The following HSDL2 variants were observed in gnomAD, a reference collection of about 807,000 sequenced individuals.
HSDL2 encodes hydroxysteroid dehydrogenase like 2.
In HSDL2, 27 loss-of-function variants were observed where a neutral mutation model predicts 46.3. The observed-to-expected ratio is 0.58, with a 90% CI of 0.43 to 0.80. The LOEUF (loss-of-function observed/expected upper bound fraction) is 0.80, where lower values mean the gene tolerates loss of function less well. HSDL2 is among the 30% of genes least tolerant of loss of function. The pLI, the probability that HSDL2 is intolerant of heterozygous loss-of-function variation, is 0.00. For synonymous variants in HSDL2, 153 were observed against 163.6 expected (o/e 0.94, Z 0.50); for missense variants, 451 against 502.7 (o/e 0.90, Z 0.98).
chr9:112,455,180 C>T (rs1352198854), intron 9 of HSDL2, among the ~76,000 whole-genome samples: 2 of 152,056 alleles, frequency 1.3e-5, no homozygotes, highest in Non-Finnish European at 2.9e-5. Flanking sequence ...CTGTAGTACA[C>T]TGCGATCGCA....
At chr9:112,394,189 A>C (rs1831409321) in intron 1 of HSDL2, among the ~76,000 whole-genome samples, 1 of 152,148 alleles carries the variant, frequency 6.6e-6, no homozygotes, top group African/African-American at 2.4e-5. Flanking sequence ...AGTGGGGACA[A>C]CAGACAGAAA....
chr9:112,391,815 G>T (rs1050654352), intron 1 of HSDL2, among the ~76,000 whole-genome samples: 1 of 148,696 alleles, frequency 6.7e-6, no homozygotes, highest in African/African-American at 2.5e-5. Flanking sequence ...TGACGCACGA[G>T]AATCACTTGA....
intron 4 of HSDL2, among the ~76,000 whole-genome samples, chr9:112,416,588 T>TAAAA (rs35674008): frequency 7.4e-6 from 1 of 134,246 alleles, no homozygotes; most frequent in Non-Finnish European, 1.6e-5. Context: ...ACCCTGTCTC[T>TAAAA]AAAAAAAAAA....
chr9:112,409,142 A>T, intron 4 of HSDL2, 121 bp downstream of exon 4: 2 of 487,306 alleles, frequency 4.1e-6, no homozygotes, highest in Non-Finnish European at 7.4e-6. Context: ...AATCCTTATA[A>T]GGGTCTAAAA....
At chr9:112,437,895 G>A (rs1219043843) in intron 6 of HSDL2, among the ~76,000 whole-genome samples, 1 of 152,206 alleles carries the variant, frequency 6.6e-6, no homozygotes, top group African/African-American at 2.4e-5. Context: ...TGTAGTATAA[G>A]GCAGTGTTGC....
intron 4 of HSDL2, among the ~76,000 whole-genome samples, 154 bp downstream of exon 4, chr9:112,409,175 T>G (rs566243338): frequency 6.6e-6 from 1 of 152,242 alleles, no homozygotes; most frequent in East Asian, 1.9e-4. Flanking sequence ...GTCAATAGTA[T>G]TTTATTTTAT....
intron 1 of HSDL2, among the ~76,000 whole-genome samples, chr9:112,382,253 A>T (rs765692499): frequency 6.6e-6 from 1 of 152,202 alleles, no homozygotes; most frequent in Non-Finnish European, 1.5e-5. Flanking sequence ...AGAGAGAGTG[A>T]GAGTCTGTCT....
Position 112,454,012 on chromosome 9 carries a change from G to A in HSDL2, c.866-1G>A, listed in dbSNP as rs746584767. On this transcript the variant is annotated splice_acceptor_variant, in intron 8 of 10. Transcript: ENST00000398805. LOFTEE classifies it high-confidence loss of function. ...TCATTTGCTTCAATAATATCTTATA[G>A]GTGCTGTTCCAGAATTCAAAGAAGA... 4.3e-6 allele frequency: 7 copies of A among 1,612,808 alleles called. No homozygotes were observed. The highest frequency in any genetic ancestry group is 5.9e-6 in the Non-Finnish European group (7 of 1,179,524).
intron 1 of HSDL2, among the ~76,000 whole-genome samples, chr9:112,384,964 G>A (rs1831185043): frequency 6.6e-6 from 1 of 151,986 alleles, no homozygotes; most frequent in South Asian, 2.1e-4. Context: ...AATAGTACAA[G>A]AGAGACAGTA....
At chr9:112,410,093 T>C (rs1339964462) in intron 4 of HSDL2, among the ~76,000 whole-genome samples, 1 of 152,218 alleles carries the variant, frequency 6.6e-6, no homozygotes, top group African/African-American at 2.4e-5. Flanking sequence ...AATCACACTT[T>C]ATTGTAACCA....
chr9:112,470,300 T>C lies in HSDL2; in HGVS notation c.1145-132T>C, dbSNP rs180880992. On this transcript the variant is annotated intron_variant, in intron 10 of 10. Coordinates refer to ENST00000398805, the MANE Select transcript of HSDL2 (RefSeq NM_032303.5). The stretch of plus-strand genomic sequence containing the variant: ...TTCCCAAGATACTGATATAAAATGC[T>C]GTAACAGAAATTTCTATGCTTCTGA... The C allele has an allele frequency of 1.6e-5, 8 of 506,540 alleles. 1 individual carries two copies. The Admixed American group carries it at 1.9e-4, about 12-fold the overall frequency. The allele number at this position is 506,540 out of a possible 1,614,324, so 31.4% of individuals were successfully genotyped here. A position where few individuals can be genotyped will look rare whatever the true frequency, so the allele number is the denominator to read the frequency against.
chr9:112,458,849 C>T (rs1275211741), intron 9 of HSDL2, among the ~76,000 whole-genome samples: 2 of 151,490 alleles, frequency 1.3e-5, no homozygotes, highest in Non-Finnish European at 2.9e-5. Flanking sequence ...GGTGTGGTGG[C>T]GGGCACCTGT....
At chr9:112,439,442 T>G (rs1297150096) in intron 7 of HSDL2, among the ~76,000 whole-genome samples, 1 of 152,238 alleles carries the variant, frequency 6.6e-6, no homozygotes, top group East Asian at 1.9e-4. Context: ...TAAAGTGATC[T>G]GAGAAGCTTC....
intron 1 of HSDL2, among the ~76,000 whole-genome samples, chr9:112,398,180 C>T (rs572460867): frequency 6.6e-6 from 1 of 152,016 alleles, no homozygotes; most frequent in South Asian, 2.1e-4. Context: ...CCTGTGCAAC[C>T]AGAGTGGCAG....
At chr9:112,386,971 T>C (rs1490109845) in intron 1 of HSDL2, among the ~76,000 whole-genome samples, 1 of 152,172 alleles carries the variant, frequency 6.6e-6, no homozygotes, top group African/African-American at 2.4e-5. Flanking sequence ...AGAGAAACTC[T>C]TAAGGTATAA....
rs542145112 is a variant in HSDL2 at position 112,417,145 on chromosome 9, A to G, written c.499+201A>G. 3.3e-5 allele frequency among the ~76,000 whole-genome samples: 5 copies of G among 152,348 alleles called. No individual in the cohort carries two copies. The East Asian group carries it at 7.7e-4, about 23-fold the overall frequency. ...AAAATTGAGGCATAATTGACATTCA[A>G]TAAAATGCACAGCTCTTAATGGTTC... On this transcript the variant is annotated intron_variant, in intron 5 of 10. Transcript: ENST00000398805.
intron 6 of HSDL2, among the ~76,000 whole-genome samples, chr9:112,432,746 A>G (rs138594881): frequency 5.5e-4 from 84 of 152,232 alleles, no homozygotes; most frequent in African/African-American, 2.0e-3. Context: ...GGTGCATGGT[A>G]TGATGAATTA....
intron 6 of HSDL2, among the ~76,000 whole-genome samples, chr9:112,434,868 T>C (rs1167904856): frequency 6.6e-6 from 1 of 152,214 alleles, no homozygotes; most frequent in African/African-American, 2.4e-5. Flanking sequence ...GGAGAATCAA[T>C]TGGAAGCTAT....
chr9:112,430,607 G>T (rs561012759), intron 6 of HSDL2, among the ~76,000 whole-genome samples: 1 of 152,292 alleles, frequency 6.6e-6, no homozygotes, highest in South Asian at 2.1e-4. Flanking sequence ...CAGGAACTGA[G>T]GCACAGATTT....
Sources: gnomAD v4.1 joint callset for allele counts (sites outside exome capture counted in the v4.1 genomes callset) on GRCh38, gnomAD v4.1.1 for gene constraint, MANE v1.5 for transcripts, NCBI Gene and HGNC (gene_info 2026-07-23, HGNC 2026-07-21) for gene names.